The following FBN1 variants were observed in gnomAD, a reference collection of about 807,000 sequenced individuals.
FBN1 encodes the protein fibrillin 1.
Under a neutral mutation model 365.1 loss-of-function variants are expected in FBN1, and 29 were observed. The ratio of observed to expected loss-of-function variants is 0.08; its 90% CI spans 0.06 to 0.11. The LOEUF is 0.11. FBN1 is among the 10% of genes least tolerant of loss of function. FBN1 has a pLI of 1.00. For missense variants in FBN1, 2,476 were observed against 3,703.2 expected, an observed-to-expected ratio of 0.67 and a Z score of 8.60; for synonymous variants, 1,210 against 1,270.5, an observed-to-expected ratio of 0.95 and a Z score of 1.01.
At chr15:48,486,986 G>GAAATA (rs1170123917) in intron 29 of FBN1, 89 bp downstream of exon 29, 41 of 1,061,172 alleles carry the variant, frequency 3.9e-5, no homozygotes, top group Admixed American at 7.2e-5. Flanking sequence ...AGGGAGAGAT[G>GAAATA]AAATAAAATA....
chr15:48,541,068 C>A (rs1359249978), intron 6 of FBN1, among the ~76,000 whole-genome samples: 2 of 151,780 alleles, frequency 1.3e-5, no homozygotes, highest in Non-Finnish European at 2.9e-5. Flanking sequence ...GCCACTGATT[C>A]ATAACTTCAC....
intron 6 of FBN1, among the ~76,000 whole-genome samples, chr15:48,577,688 T>C (rs2044359613): frequency 6.6e-6 from 1 of 152,180 alleles, no homozygotes; most frequent in Non-Finnish European, 1.5e-5. Context: ...CCGCCTTCCC[T>C]GAAGTTTCTT....
intron 43 of FBN1, among the ~76,000 whole-genome samples, chr15:48,459,103 C>A (rs1401163055): frequency 2.0e-5 from 3 of 152,200 alleles, no homozygotes; most frequent in African/African-American, 7.2e-5. Flanking sequence ...GAAGCCTTTC[C>A]AGCTCTCCTA....
Position 48,410,767 on chromosome 15 carries a change from A to C in FBN1, c.*223T>G, listed in dbSNP as rs16960899. On this transcript the variant is annotated 3_prime_UTR_variant, in exon 66 of 66. Transcript: ENST00000316623. ...GTTTTCAAGAATCAACACATATGACAAGGTAGCTTAGCTACACACATGAGA... is the reference window on the plus strand; with the variant it reads ...GTTTTCAAGAATCAACACATATGACCAGGTAGCTTAGCTACACACATGAGA... The C allele has an allele frequency of 4.7e-3, 2,554 of 540,748 alleles. 50 individuals are homozygous for C. The highest frequency in any genetic ancestry group is 0.044 in the African/African-American group (2,333 of 52,502). 33.5% of individuals were successfully genotyped at this position (540,748 alleles called of 1,614,324 possible). A position where few individuals can be genotyped will look rare whatever the true frequency, so the allele number is the denominator to read the frequency against.
In FBN1 at chr15:48,613,051, G is replaced by C; in HGVS notation, c.206C>G (p.Pro69Arg). 1 of 1,613,512 alleles carries C rather than the reference G, an allele frequency of 6.2e-7. No individual in the cohort carries two copies. The highest frequency in any genetic ancestry group is 8.5e-7 in the Non-Finnish European group (1 of 1,179,900). ...CGSRYNAYCCPGWKTLPGGNQ... is the reference protein window; with the variant it reads ...CGSRYNAYCCRGWKTLPGGNQ... ...TCCGCCAGGTAAGGTTTTCCATCCA[G>C]GGCAACAGTAAGCATTATAACGTGA... The change falls in exon 3 of 66, where the codon CCT (proline) becomes CGT (arginine). Residue 69 changes from proline (P) to arginine (R), a missense_variant. Pro to Arg is a moderately radical substitution (Grantham distance 103). This residue lies in a region of FBN1 where 22 missense variants were observed against 64.1 expected (regional missense o/e 0.34). Coordinates refer to ENST00000316623, the MANE Select transcript of FBN1 (RefSeq NM_000138.5).
At position 48,495,608 on chromosome 15, in the gene FBN1, A is replaced by C; in HGVS notation, c.2420-20T>G. ...CAATGTCTGAAACAAAAACAGGTCT[A>C]CATTACTGCTAAAATCTAGTCTTGG... On this transcript the variant is annotated intron_variant, in intron 20 of 65. Transcript: ENST00000316623. 6.2e-7 allele frequency: 1 copy of C among 1,614,046 alleles called. No homozygotes were observed. Among genetic ancestry groups the C allele is most frequent in the East Asian group, 2.2e-5 (1 of 44,846 alleles).
intron 10 of FBN1, among the ~76,000 whole-genome samples, chr15:48,520,300 G>A (rs758537241): frequency 1.3e-5 from 2 of 152,024 alleles, no homozygotes; most frequent in Non-Finnish European, 2.9e-5. Context: ...AAGGAAATGT[G>A]TCTCCTGAAC....
chr15:48,520,839 C>T, intron 9 of FBN1, 22 bp from the exon 10 acceptor site: 4 of 1,590,998 alleles, frequency 2.5e-6, no homozygotes, highest in Non-Finnish European at 3.4e-6. Flanking sequence ...GAAACACATA[C>T]ACACACACAC....
chr15:48,454,600 C>T (rs1390616710), intron 44 of FBN1, among the ~76,000 whole-genome samples: 1 of 152,238 alleles, frequency 6.6e-6, no homozygotes, highest in Non-Finnish European at 1.5e-5. Context: ...AATTTACAGA[C>T]TAAGTCCAAT....
intron 6 of FBN1, among the ~76,000 whole-genome samples, chr15:48,591,689 G>A (rs1054832457): frequency 2.6e-5 from 4 of 151,880 alleles, no homozygotes; most frequent in Non-Finnish European, 5.9e-5. Flanking sequence ...TCTTCTTACC[G>A]TTCCTCAGAA....
At position 48,495,479 on chromosome 15, in the gene FBN1, G is replaced by T; in HGVS notation, c.2529C>A (p.Thr843=). Residue 843 remains threonine, a synonymous_variant, in exon 21 of 66, where the codon ACC becomes ACA. Coordinates refer to ENST00000316623, the MANE Select transcript of FBN1 (RefSeq NM_000138.5). ...SSESTLDPTK[T]ICIETIKGTC... ...CAGAAAGATAAATACCTATGCAGAT[G>T]GTTTTTGTTGGATCCAAAGTACTTT... 1 of 1,613,950 alleles carries T rather than the reference G, an allele frequency of 6.2e-7. No individual in the cohort carries two copies. The highest frequency in any genetic ancestry group is 1.3e-5 in the African/African-American group (1 of 75,026).
chr15:48,488,923 CT>C, intron 25 of FBN1, among the ~76,000 whole-genome samples: 1 of 152,046 alleles, frequency 6.6e-6, no homozygotes, highest in Admixed American at 6.5e-5. Context: ...CTGTTTGGTG[CT>C]TTTTTGGATA....
intron 43 of FBN1, among the ~76,000 whole-genome samples, chr15:48,459,423 A>C (rs1240069420): frequency 1.3e-5 from 2 of 152,170 alleles, no homozygotes; most frequent in African/African-American, 2.4e-5. Flanking sequence ...TGATTGCTGG[A>C]CCAGACTCTT....
chr15:48,421,815 C>T lies in FBN1; in HGVS notation c.7571-129G>A. The T allele has an allele frequency of 1.0e-5, 12 of 1,185,580 alleles. No homozygotes were observed. The South Asian group carries it at 1.5e-4, about 15-fold the overall frequency. The allele number at this position is 1,185,580 out of a possible 1,614,324, so 73.4% of individuals were successfully genotyped here. A position where few individuals can be genotyped will look rare whatever the true frequency, so the allele number is the denominator to read the frequency against. ...GCCAACAACGCTTCACATACATGTA[C>T]AGGTGTGCTCACACATACATGCACT... On this transcript the variant is annotated intron_variant, in intron 61 of 65. Coordinates refer to ENST00000316623, the MANE Select transcript of FBN1 (RefSeq NM_000138.5).
chr15:48,530,553 C>A (rs962349092), intron 8 of FBN1, among the ~76,000 whole-genome samples: 13 of 149,832 alleles, frequency 8.7e-5, no homozygotes, highest in African/African-American at 2.9e-4. Flanking sequence ...TGACCTTCAC[C>A]GCAGAGATTT....
At chr15:48,448,669 A>T in intron 46 of FBN1, 99 bp downstream of exon 46, 4 of 1,190,550 alleles carry the variant, frequency 3.4e-6, no homozygotes, top group Non-Finnish European at 3.6e-6. Flanking sequence ...ATATAGCAAA[A>T]ATACTACTAA....
intron 29 of FBN1, 60 bp from the exon 30 acceptor site, chr15:48,485,556 T>C (rs2043499605): frequency 1.9e-6 from 3 of 1,587,518 alleles, no homozygotes; most frequent in South Asian, 1.1e-5. Context: ...TCCCCTCCAA[T>C]ACTCGTGTTG....
At chr15:48,485,090 A>G (rs2141290926) in intron 30 of FBN1, among the ~76,000 whole-genome samples, 1 of 152,354 alleles carries the variant, frequency 6.6e-6, no homozygotes, top group Non-Finnish European at 1.5e-5. Flanking sequence ...CCAAAACATC[A>G]AACTCTTCAA....
Position 48,516,074 on chromosome 15 carries a change from A to G in FBN1, c.1327+109T>C, listed in dbSNP as rs895005626. ...AACATTATGTAAACCAAAAATTAAT[A>G]TAACAATTTACAAACTTATTTAATG... On this transcript the variant is annotated intron_variant, in intron 11 of 65. Coordinates refer to ENST00000316623, the MANE Select transcript of FBN1 (RefSeq NM_000138.5). The G allele has an allele frequency of 5.4e-6, 6 of 1,116,814 alleles. No individual in the cohort carries two copies. In the East Asian group the frequency reaches 7.4e-5, roughly 14 times the overall value. 69.2% of individuals were successfully genotyped at this position (1,116,814 alleles called of 1,614,324 possible). A position where few individuals can be genotyped will look rare whatever the true frequency, so the allele number is the denominator to read the frequency against.
Sources: allele counts gnomAD v4.1 joint callset (sites outside exome capture counted in the v4.1 genomes callset), GRCh38; gene constraint gnomAD v4.1.1; regional missense constraint gnomAD v4.1.1; transcripts MANE v1.5; gene names NCBI Gene and HGNC (gene_info 2026-07-23, HGNC 2026-07-21).